Variants in LDAH observed in about 807,000 individuals in gnomAD.
LDAH encodes the protein lipid droplet-associated hydrolase.
A neutral mutation model predicts 29.6 loss-of-function variants in LDAH; 26 were observed. That is an observed-to-expected ratio of 0.88 (90% CI 0.64 to 1.22). The LOEUF is 1.22. Ranked by LOEUF, LDAH falls within the 50% of genes most tolerant of loss-of-function variation. The pLI is 0.00. For synonymous variants in LDAH, 117 were observed against 133.0 expected (o/e 0.88, Z 0.83); for missense variants, 344 against 387.3 (o/e 0.89, Z 0.94).
intron 5 of LDAH, among the ~76,000 whole-genome samples, chr2:20,724,729 A>C (rs1254953060): frequency 6.6e-6 from 1 of 152,258 alleles, no homozygotes; most frequent in African/African-American, 2.4e-5. Flanking sequence ...GAGACAATGT[A>C]GAGGCAATTT....
rs574538788 is a variant in LDAH at position 20,764,752 on chromosome 2, C to G, written c.468+10058G>C. Among the ~76,000 whole-genome samples, 99 of 152,306 alleles carry G rather than the reference C, an allele frequency of 6.5e-4. 1 individual carries two copies. Among genetic ancestry groups the G allele is most frequent in the Non-Finnish European group, 7.3e-5 (5 of 68,028 alleles). On this transcript the variant is annotated intron_variant, in intron 4 of 6. Transcript: ENST00000237822. ...TTAGTCTAACCATCTGTAATCATCA[C>G]CTCTCTAACTCACCTAGAAAACAGG...
At chr2:20,689,782 G>C (rs556375678) in intron 6 of LDAH, among the ~76,000 whole-genome samples, 2 of 152,190 alleles carry the variant, frequency 1.3e-5, no homozygotes, top group African/African-American at 4.8e-5. Flanking sequence ...TGGAAAGTCA[G>C]ACTTGGGTTC....
rs377441461 is a variant in LDAH, at chr2:20,689,778, G to C, written c.787-2684C>G. ...GGAACACTGCTGAGAAATCTGGAAA[G>C]TCAGACTTGGGTTCATACCTGTCAG... On this transcript the variant is annotated intron_variant, in intron 6 of 6. Transcript: ENST00000237822. Among the ~76,000 whole-genome samples the C allele has an allele frequency of 1.4e-3, 219 of 152,318 alleles. 3 individuals carry two copies. The South Asian group carries it at 0.043, about 30-fold the overall frequency.
chr2:20,819,645 A>C (rs953307327), intron 1 of LDAH, among the ~76,000 whole-genome samples: 2 of 152,220 alleles, frequency 1.3e-5, no homozygotes, highest in Non-Finnish European at 2.9e-5. Flanking sequence ...TGACAAACCC[A>C]CAGCCAATAT....
intron 6 of LDAH, among the ~76,000 whole-genome samples, chr2:20,697,641 C>T (rs1236530810): frequency 6.6e-6 from 1 of 152,204 alleles, no homozygotes; most frequent in African/African-American, 2.4e-5. Flanking sequence ...TGTGGCATAT[C>T]ATGACTTTTT....
intron 3 of LDAH, among the ~76,000 whole-genome samples, chr2:20,777,506 C>T (rs1259459226): frequency 1.3e-5 from 2 of 152,118 alleles, no homozygotes; most frequent in African/African-American, 2.4e-5. Context: ...CTCACTGCAA[C>T]CTCCGCCTCC....
rs142256877 is a variant in LDAH at position 20,720,573 on chromosome 2, C to T, written c.704-18921G>A. Among the ~76,000 whole-genome samples the T allele has an allele frequency of 5.9e-5, 9 of 152,160 alleles. No homozygotes were observed. The East Asian group carries it at 9.6e-4, about 16-fold the overall frequency. On this transcript the variant is annotated intron_variant, in intron 5 of 6. Transcript: ENST00000237822. ...AAGCAATCTACAGATTCAATGCAAT[C>T]TCTCTCAAAATACTAATGACATGCT...
chr2:20,737,240 T>C (rs941584366), intron 5 of LDAH, among the ~76,000 whole-genome samples: 1 of 152,220 alleles, frequency 6.6e-6, no homozygotes, highest in African/African-American at 2.4e-5. Context: ...CTCTACCTTG[T>C]ATAGTCTTCT....
At chr2:20,720,577 C>T (rs993924877) in intron 5 of LDAH, among the ~76,000 whole-genome samples, 1 of 151,958 alleles carries the variant, frequency 6.6e-6, no homozygotes, top group Non-Finnish European at 1.5e-5. Context: ...TGCAATCTCT[C>T]TCAAAATACT....
Position 20,766,050 on chromosome 2 carries a change from G to T in LDAH, c.468+8760C>A, listed in dbSNP as rs377581785. On this transcript the variant is annotated intron_variant, in intron 4 of 6. Coordinates refer to ENST00000237822, the MANE Select transcript of LDAH (RefSeq NM_021925.4). ...TTCTTAGCTGCTGTGGTGTACTCTAGTCCAGATGAATGGTTTTCAAACTTT... is the reference window on the plus strand; with the variant it reads ...TTCTTAGCTGCTGTGGTGTACTCTATTCCAGATGAATGGTTTTCAAACTTT... 1.8e-4 allele frequency among the ~76,000 whole-genome samples: 27 copies of T among 151,550 alleles called. No homozygotes were observed. The East Asian group carries it at 2.9e-3, about 16-fold the overall frequency.
Position 20,685,295 on chromosome 2 carries a change from C to T in LDAH, c.*1608G>A, listed in dbSNP as rs1420685100. ...TTGTTTACATGCCTTGATTTAGTATCAGTGAGTATCTCCTGTATGCAAGGC... is the reference window on the plus strand; with the variant it reads ...TTGTTTACATGCCTTGATTTAGTATTAGTGAGTATCTCCTGTATGCAAGGC... On this transcript the variant is annotated 3_prime_UTR_variant, in exon 7 of 7. Coordinates refer to ENST00000237822, the MANE Select transcript of LDAH (RefSeq NM_021925.4). The T allele has an allele frequency of 7.7e-6, 4 of 521,224 alleles. No individual in the cohort carries two copies. Among genetic ancestry groups the T allele is most frequent in the South Asian group, 3.2e-5 (1 of 31,362 alleles). 32.3% of individuals were successfully genotyped at this position (521,224 alleles called of 1,614,324 possible). A position where few individuals can be genotyped will look rare whatever the true frequency, so the allele number is the denominator to read the frequency against.
chr2:20,702,626 T>C (rs1489787180), intron 5 of LDAH, among the ~76,000 whole-genome samples: 1 of 152,200 alleles, frequency 6.6e-6, no homozygotes, highest in African/African-American at 2.4e-5. Flanking sequence ...TTCTTTTCAT[T>C]AACAATCTGA....
chr2:20,791,163 T>C (rs1477475969), intron 2 of LDAH, among the ~76,000 whole-genome samples: 1 of 152,256 alleles, frequency 6.6e-6, no homozygotes, highest in Non-Finnish European at 1.5e-5. Flanking sequence ...CACTGATTTC[T>C]ACTCCATTTT....
chr2:20,766,112 T>C (rs1669017093), intron 4 of LDAH, among the ~76,000 whole-genome samples: 1 of 152,102 alleles, frequency 6.6e-6, no homozygotes, highest in Non-Finnish European at 1.5e-5. Flanking sequence ...AAGATATACA[T>C]TCGACATTAT....
At chr2:20,729,434 A>C (rs115806859) in intron 5 of LDAH, among the ~76,000 whole-genome samples, 3,471 of 152,286 alleles carry the variant, frequency 0.023, 130 homozygotes, top group African/African-American at 0.073. Flanking sequence ...AAATGTATAA[A>C]ATTTATATCC....
chr2:20,785,773 A>AT (rs1203431451), intron 3 of LDAH, among the ~76,000 whole-genome samples: 2 of 152,040 alleles, frequency 1.3e-5, no homozygotes, highest in African/African-American at 2.4e-5. Flanking sequence ...CAGCCCACTG[A>AT]TTTTTTCCTC....
At chr2:20,803,980 T>C (rs563269036) in intron 1 of LDAH, among the ~76,000 whole-genome samples, 1 of 152,318 alleles carries the variant, frequency 6.6e-6, no homozygotes, top group African/African-American at 2.4e-5. Flanking sequence ...CTTTCCCTCA[T>C]TATACACAGC....
chr2:20,724,485 GAGA>G (rs1239116287), intron 5 of LDAH, among the ~76,000 whole-genome samples: 1 of 152,224 alleles, frequency 6.6e-6, no homozygotes, highest in African/African-American at 2.4e-5. Flanking sequence ...GAGACTGACA[GAGA>G]AGGTTACTCA....
intron 6 of LDAH, among the ~76,000 whole-genome samples, chr2:20,700,141 A>C (rs555591574): frequency 6.6e-6 from 1 of 152,372 alleles, no homozygotes; most frequent in African/African-American, 2.4e-5. Flanking sequence ...GTTTAAATGG[A>C]AAATAAAATA....
Sources: gnomAD v4.1 joint callset for allele counts (sites outside exome capture counted in the v4.1 genomes callset) on GRCh38, gnomAD v4.1.1 for gene constraint, MANE v1.5 for transcripts, NCBI Gene and HGNC (gene_info 2026-07-23, HGNC 2026-07-21) for gene names.